FAM228B: variants seen among roughly 807,000 people sequenced by gnomAD.
FAM228B encodes family with sequence similarity 228 member B.
FAM228B carries 38 observed loss-of-function variants against 42.6 expected under a neutral mutation model. That is an observed-to-expected ratio of 0.89 (90% CI 0.69 to 1.17). The LOEUF (loss-of-function observed/expected upper bound fraction) is 1.17, where lower values mean the gene tolerates loss of function less well. FAM228B is among the 50% of genes most tolerant of loss of function. The probability of loss-of-function intolerance (pLI) is 0.00; values close to 1 mark genes in which losing one functional copy is unlikely to be tolerated. For missense variants in FAM228B, 344 were observed against 367.3 expected, an observed-to-expected ratio of 0.94 and a Z score of 0.52; for synonymous variants, 109 against 122.3, an observed-to-expected ratio of 0.89 and a Z score of 0.72.
Position 24,167,419 on chromosome 2 carries a change from C to CTCTGTGAGT in FAM228B, c.933-208_933-207insTCTGTGAGT, listed in dbSNP as rs574785053. Among the ~76,000 whole-genome samples the CTCTGTGAGT allele has an allele frequency of 5.1e-3, 783 of 152,162 alleles. 4 individuals carry two copies. Among genetic ancestry groups the CTCTGTGAGT allele is most frequent in the Middle Eastern group, 0.01 (3 of 294 alleles). Reference sequence around the variant, plus strand: ...GATTCCATTGCAATCATTATAATACCGGAGGAGGATTTGTAGGGTGTGATT... The same window carrying CTCTGTGAGT: ...GATTCCATTGCAATCATTATAATACCTCTGTGAGTGGAGGAGGATTTGTAGGGTGTGATT... On this transcript the variant is annotated intron_variant, in intron 9 of 10. Transcript: ENST00000615575.
chr2:24,109,324 A>C (rs1665751982), intron 3 of FAM228B, among the ~76,000 whole-genome samples: 1 of 152,192 alleles, frequency 6.6e-6, no homozygotes. Context: ...TATGTGTAAA[A>C]ACTCAAACTA....
chr2:24,096,496 C>T (rs554416529), intron 3 of FAM228B: 1 of 152,272 alleles, frequency 6.6e-6, no homozygotes, highest in South Asian at 2.1e-4. Flanking sequence ...GCACAACCTT[C>T]AATAGCCGAT....
At chr2:24,153,302 G>A (rs998070442) in intron 7 of FAM228B, among the ~76,000 whole-genome samples, 4 of 152,124 alleles carry the variant, frequency 2.6e-5, no homozygotes, top group Middle Eastern at 3.2e-3. Flanking sequence ...AATGTTCTGG[G>A]TCACTGCTGA....
chr2:24,149,942 C>G (rs1337048626), intron 7 of FAM228B, among the ~76,000 whole-genome samples: 1 of 152,160 alleles, frequency 6.6e-6, no homozygotes, highest in Non-Finnish European at 1.5e-5. Context: ...CTGATGACAA[C>G]TTAAGACTGA....
intron 4 of FAM228B, 99 bp from the exon 5 acceptor site, chr2:24,139,271 A>T (rs186214313): frequency 4.5e-4 from 245 of 546,690 alleles, no homozygotes; most frequent in African/African-American, 4.3e-3. Context: ...GCTTTCAAGC[A>T]TAAGAATGAT....
chr2:24,122,770 C>T, upstream of FAM228B: 1 of 372,734 alleles, frequency 2.7e-6, no homozygotes, highest in Non-Finnish European at 4.8e-6. Flanking sequence ...GGTTATGAAG[C>T]TGAGTTTGGA....
intron 3 of FAM228B, among the ~76,000 whole-genome samples, chr2:24,135,858 T>C (rs1432322900): frequency 6.6e-6 from 1 of 152,064 alleles, no homozygotes; most frequent in Non-Finnish European, 1.5e-5. Flanking sequence ...ATGAATTAGT[T>C]TGTAGCCTAA....
intron 3 of FAM228B, among the ~76,000 whole-genome samples, chr2:24,104,253 T>C (rs1035478947): frequency 6.6e-6 from 1 of 152,094 alleles, no homozygotes; most frequent in Non-Finnish European, 1.5e-5. Context: ...AATAGGAGAA[T>C]CCCACTGGGC....
intron 2 of FAM228B, among the ~76,000 whole-genome samples, chr2:24,127,652 A>T (rs1051042829): frequency 1.3e-5 from 2 of 150,636 alleles, no homozygotes; most frequent in African/African-American, 4.9e-5. Flanking sequence ...AATCTGGAAA[A>T]TTTTCAGCCA....
intron 5 of FAM228B, among the ~76,000 whole-genome samples, chr2:24,144,806 C>T (rs1231000056): frequency 6.6e-6 from 1 of 152,092 alleles, no homozygotes; most frequent in Admixed American, 6.5e-5. Context: ...TGAAAGCAAC[C>T]CCACCCTCCA....
At chr2:24,086,165 G>A (rs905629362) in intron 2 of FAM228B, among the ~76,000 whole-genome samples, 3 of 149,052 alleles carry the variant, frequency 2.0e-5, no homozygotes, top group Non-Finnish European at 4.5e-5. Context: ...AACCCGGGAG[G>A]GGGAGCTTGC....
At chr2:24,164,579 GCCCC>G in intron 9 of FAM228B, among the ~76,000 whole-genome samples, 1 of 150,534 alleles carries the variant, frequency 6.6e-6, no homozygotes, top group Non-Finnish European at 1.5e-5. Context: ...CGATGAGGGT[GCCCC>G]CTGGTGGAGC....
intron 3 of FAM228B, among the ~76,000 whole-genome samples, chr2:24,101,395 A>G (rs1019471654): frequency 6.6e-6 from 1 of 152,166 alleles, no homozygotes; most frequent in African/African-American, 2.4e-5. Flanking sequence ...TATGTATGTA[A>G]ATTGACATTA....
chr2:24,158,668 T>G (rs1269570988), intron 7 of FAM228B, among the ~76,000 whole-genome samples: 1 of 152,124 alleles, frequency 6.6e-6, no homozygotes, highest in Non-Finnish European at 1.5e-5. Flanking sequence ...TTTTTGGTAA[T>G]AAGAGTCTCA....
rs1275881609 is a variant in FAM228B at position 24,084,585 on chromosome 2, TG to T, written c.-210+3633del. ...AGACCGATCCCACCCGGAACACAGA[TG>T]GGAACGGCGGGAAGTGGGATGGCGG... On this transcript the variant is annotated intron_variant, in intron 2 of 10. Coordinates refer to the FAM228B transcript ENST00000613899. This position sits in a 1 kb window ranked among gnomAD's most constrained non-coding sequence, Gnocchi z 8.4. 9.4e-6 allele frequency: 4 copies of T among 424,720 alleles called. No homozygotes were observed. The highest frequency in any genetic ancestry group is 7.9e-5 in the East Asian group (2 of 25,182). 26.3% of individuals were successfully genotyped at this position (424,720 alleles called of 1,614,324 possible). A position where few individuals can be genotyped will look rare whatever the true frequency, so the allele number is the denominator to read the frequency against.
intron 10 of FAM228B, chr2:24,168,191 C>A (rs749429972): frequency 1.6e-4 from 25 of 161,178 alleles, no homozygotes; most frequent in Non-Finnish European, 2.8e-4. Context: ...GGGGTGGAGA[C>A]AGGTTTTTGA....
At chr2:24,141,466 A>G (rs1666745039) in intron 5 of FAM228B, among the ~76,000 whole-genome samples, 1 of 151,796 alleles carries the variant, frequency 6.6e-6, no homozygotes, top group Non-Finnish European at 1.5e-5. Flanking sequence ...GGATGGTCTC[A>G]ATCTCCTGAC....
intron 1 of FAM228B, chr2:24,079,544 C>T: frequency 6.2e-7 from 1 of 1,614,108 alleles, no homozygotes; most frequent in Non-Finnish European, 8.5e-7. Context: ...TCCCATCAGA[C>T]CATAGAGAAC....
chr2:24,163,725 C>A (rs1048982025), intron 8 of FAM228B, among the ~76,000 whole-genome samples: 4 of 152,102 alleles, frequency 2.6e-5, no homozygotes, highest in African/African-American at 9.7e-5. Flanking sequence ...CAAAGCGAGA[C>A]CCACGTGTGA....
Sources: allele counts gnomAD v4.1 joint callset (sites outside exome capture counted in the v4.1 genomes callset), GRCh38; gene constraint gnomAD v4.1.1; non-coding constraint Gnocchi (gnomAD v3.1); transcripts MANE v1.5; gene names NCBI Gene and HGNC (gene_info 2026-07-23, HGNC 2026-07-21).